The following OFD1 variants were observed in gnomAD, a reference collection of about 807,000 sequenced individuals.
OFD1 encodes OFD1 centriole and centriolar satellite protein, also known as centriole and centriolar satellite protein OFD1.
OFD1 carries 12 observed loss-of-function variants against 81.4 expected under a neutral mutation model. The observed-to-expected ratio is 0.15, with a 90% confidence interval of 0.09 to 0.24. The LOEUF is 0.24. Among genes scored for constraint, OFD1 ranks in the 10% least tolerant of loss-of-function variants. The pLI is 1.00. For missense variants in OFD1, 685 were observed against 733.9 expected, an observed-to-expected ratio of 0.93 and a Z score of 0.77; for synonymous variants, 256 against 263.7, an observed-to-expected ratio of 0.97 and a Z score of 0.28.
chrX:13,725,887 G>T, the OFD1 span, among the ~76,000 whole-genome samples: 2 of 111,720 alleles, frequency 1.8e-5, no homozygotes, highest in African/African-American at 6.5e-5. Context: ...TGGCTAACTA[G>T]AATAAACAGT....
the OFD1 span, among the ~76,000 whole-genome samples, chrX:13,725,304 T>A: frequency 8.9e-5 from 10 of 112,033 alleles, no homozygotes; most frequent in East Asian, 2.0e-3. Context: ...CTCAAGGGGG[T>A]CCCTGACCCC....
At chrX:13,745,922 G>C (rs923110772) in intron 6 of OFD1, among the ~76,000 whole-genome samples, 2 of 112,247 alleles carry the variant, frequency 1.8e-5, no homozygotes, top group South Asian at 3.7e-4. Context: ...ATGTAAGTCA[G>C]CTTTAACCAG....
In OFD1 at chrX:13,760,158, C is replaced by T. The variant is rs1019902525; in HGVS notation, c.1698C>T (p.Ile566=). Residue 566 remains isoleucine (I), a synonymous_variant, in exon 16 of 23, where the codon ATC becomes ATT. Transcript: ENST00000340096. ...ACTGCAATCCAAAGCAGTCTGTGAT[C>T]GATCGTTCTGTCAATGGATTAATAA... The part of the protein sequence containing the change: ...EVYCNPKQSV[I]DRSVNGLING... 1.2e-5 allele frequency: 15 copies of T among 1,211,612 alleles called. No homozygotes were observed. The highest frequency in any genetic ancestry group is 1.5e-5 in the Non-Finnish European group (13 of 895,243).
the OFD1 span, among the ~76,000 whole-genome samples, chrX:13,724,400 TA>T: frequency 0.04 from 3,308 of 82,264 alleles, 120 homozygotes; most frequent in African/African-American, 0.11. Context: ...AATATATATT[TA>T]AAAAAAAAAA....
intron 3 of OFD1, among the ~76,000 whole-genome samples, chrX:13,738,323 A>G (rs2046955264): frequency 8.8e-6 from 1 of 113,032 alleles, no homozygotes; most frequent in Non-Finnish European, 1.9e-5. Flanking sequence ...AGGAAAACCA[A>G]TTGAAAACAA....
chrX:13,746,274 T>TGAC (rs2047293544), intron 6 of OFD1, 45 bp from the exon 7 acceptor site: 1 of 1,169,162 alleles, frequency 8.6e-7, no homozygotes, highest in Non-Finnish European at 1.2e-6. Flanking sequence ...CTTACGCACC[T>TGAC]GACGATGTTT....
chrX:13,724,372 C>T, the OFD1 span, among the ~76,000 whole-genome samples: 1 of 81,619 alleles, frequency 1.2e-5, no homozygotes, highest in Non-Finnish European at 2.3e-5. Flanking sequence ...CAAAGGCCTA[C>T]AATGAGTTGA....
chrX:13,716,662 A>G, the OFD1 span: 2 of 1,211,966 alleles, frequency 1.7e-6, no homozygotes, highest in South Asian at 1.8e-5. Context: ...GAACTGGTTC[A>G]GATGACGATG....
chrX:13,736,698 G>A lies in OFD1; in HGVS notation c.312+20G>A. 8.7e-7 allele frequency: 1 copy of A among 1,146,838 alleles called. No homozygotes were observed. Among genetic ancestry groups the A allele is most frequent in the Non-Finnish European group, 1.2e-6 (1 of 837,250 alleles). The allele number at this position is 1,146,838 out of a possible 1,213,427, so 94.5% of individuals were successfully genotyped here. On this transcript the variant is annotated intron_variant, in intron 3 of 22. Transcript: ENST00000340096. ...GAAAAGGTAAAGTCTTTCCTTTTCTGTTTCTGAAGTTTTTATTAACAGGTT... is the reference window on the plus strand; with the variant it reads ...GAAAAGGTAAAGTCTTTCCTTTTCTATTTCTGAAGTTTTTATTAACAGGTT...
chrX:13,768,819 A>T, intron 22 of OFD1, 34 bp downstream of exon 22: 1 of 1,089,857 alleles, frequency 9.2e-7, no homozygotes, highest in Non-Finnish European at 1.3e-6. Context: ...TCATACACAA[A>T]CTGTTAATTG....
At chrX:13,747,434 G>A (rs1036365303) in intron 8 of OFD1, among the ~76,000 whole-genome samples, 6 of 111,851 alleles carry the variant, frequency 5.4e-5, no homozygotes, top group African/African-American at 1.6e-4. Flanking sequence ...GGATTTGTAA[G>A]TATCTCTCTG....
intron 5 of OFD1, among the ~76,000 whole-genome samples, chrX:13,741,567 T>C (rs140695165): frequency 0.16 from 17,620 of 111,079 alleles, 1,302 homozygotes; most frequent in South Asian, 0.32. Context: ...GATAATGATA[T>C]CTGTTATGCG....
At position 13,734,800 on chromosome X, in the gene OFD1, C is replaced by A. The variant is rs1193985826; in HGVS notation, c.-272C>A. On this transcript the variant is annotated 5_prime_UTR_variant, in exon 1 of 23. Coordinates refer to ENST00000340096, the MANE Select transcript of OFD1 (RefSeq NM_003611.3). Reference sequence around the variant, plus strand: ...TGCCTTCAGTCCCTAGTGTCTGGGTCCCCGCCCTCCAGCCGCCTTTGAGTC... The same window carrying A: ...TGCCTTCAGTCCCTAGTGTCTGGGTACCCGCCCTCCAGCCGCCTTTGAGTC... 2.8e-6 allele frequency: 3 copies of A among 1,072,496 alleles called. No homozygotes were observed. The African/African-American group carries it at 5.7e-5, about 20-fold the overall frequency. The allele number at this position is 1,072,496 out of a possible 1,213,427, so 88.4% of individuals were successfully genotyped here. A position where few individuals can be genotyped will look rare whatever the true frequency, so the allele number is the denominator to read the frequency against.
chrX:13,731,388 C>T (rs1000055734), upstream of OFD1, among the ~76,000 whole-genome samples: 2 of 112,229 alleles, frequency 1.8e-5, no homozygotes, highest in Admixed American at 1.9e-4. Flanking sequence ...TAATGTGAAT[C>T]CCTAGATAAA....
the OFD1 span, among the ~76,000 whole-genome samples, chrX:13,726,576 G>A: frequency 9.0e-6 from 1 of 111,621 alleles, no homozygotes; most frequent in African/African-American, 3.3e-5. Context: ...GTCACCACCA[G>A]GCCTGCCTTA....
chrX:13,725,873 C>T, the OFD1 span, among the ~76,000 whole-genome samples: 3 of 111,365 alleles, frequency 2.7e-5, no homozygotes, highest in Non-Finnish European at 3.8e-5. Context: ...AAAGATTAGA[C>T]GAATGGCTAA....
chrX:13,744,258 A>C (rs997034108), intron 5 of OFD1, among the ~76,000 whole-genome samples, 157 bp from the exon 6 acceptor site: 2 of 111,544 alleles, frequency 1.8e-5, no homozygotes, highest in African/African-American at 3.3e-5. Context: ...ACACCACTGC[A>C]CTCCAGCCTG....
At chrX:13,722,005 TA>T in the OFD1 span, 1 of 109,356 alleles carries the variant, frequency 9.1e-6, no homozygotes, top group East Asian at 2.8e-4. Flanking sequence ...AAAAAGTGGA[TA>T]ACAAAGACGA....
intron 2 of OFD1, 45 bp downstream of exon 2, chrX:13,735,391 C>T (rs374672797): frequency 3.1e-6 from 3 of 959,429 alleles, no homozygotes; most frequent in Non-Finnish European, 4.5e-6. Flanking sequence ...CAAGTGTAAC[C>T]TGTAACAGGT....
Sources: gnomAD v4.1 joint callset for allele counts (sites outside exome capture counted in the v4.1 genomes callset) on GRCh38, gnomAD v4.1.1 for gene constraint, MANE v1.5 for transcripts, NCBI Gene and HGNC (gene_info 2026-07-23, HGNC 2026-07-21) for gene names.